Variants in DOCK9 observed in about 807,000 individuals in gnomAD.
DOCK9 encodes the protein dedicator of cytokinesis 9.
A neutral mutation model predicts 263.3 loss-of-function variants in DOCK9; 89 were observed. The ratio of observed to expected loss-of-function variants is 0.34; its 90% CI spans 0.28 to 0.40. The LOEUF is 0.40. Ranked by LOEUF, DOCK9 falls within the 10% of genes least tolerant of loss-of-function variation. DOCK9 has a pLI of 1.00. For synonymous variants in DOCK9, 976 were observed against 973.1 expected (o/e 1.00, Z -0.06); for missense variants, 2,140 against 2,603.4 (o/e 0.82, Z 3.87).
At chr13:98,860,233 C>T in intron 33 of DOCK9, 172 bp downstream of exon 33, 1 of 1,445,970 alleles carries the variant, frequency 6.9e-7, no homozygotes, top group Non-Finnish European at 9.1e-7. Flanking sequence ...TATTTCAGGG[C>T]ATGGCTGAGG....
chr13:98,802,182 G>C (rs1489436864), intron 49 of DOCK9, among the ~76,000 whole-genome samples: 1 of 152,214 alleles, frequency 6.6e-6, no homozygotes, highest in Admixed American at 6.5e-5. Flanking sequence ...TGCTTTGTCT[G>C]GAACACAGAT....
At chr13:99,085,754 A>G (rs1160663174) in intron 1 of DOCK9, among the ~76,000 whole-genome samples, 2 of 151,160 alleles carry the variant, frequency 1.3e-5, no homozygotes, top group African/African-American at 4.9e-5. Flanking sequence ...TAGCAGGGGC[A>G]TCTCCCACCC....
At position 99,078,259 on chromosome 13, in the gene DOCK9, A is replaced by G. The variant is rs533893604; in HGVS notation, c.129+7964T>C. Among the ~76,000 whole-genome samples, 116 of 152,258 alleles carry G rather than the reference A, an allele frequency of 7.6e-4. 1 individual carries two copies. Among genetic ancestry groups the G allele is most frequent in the African/African-American group, 2.6e-3 (108 of 41,564 alleles). ...AGATAAAACTGTGGAAATTGCAAAG[A>G]GGTGGTGCCCCCCTTCGGAGTGAAG... On this transcript the variant is annotated intron_variant, in intron 1 of 32. Coordinates refer to the DOCK9 transcript ENST00000427887.
At chr13:98,920,800 G>A (rs2051842000) in intron 7 of DOCK9, among the ~76,000 whole-genome samples, 154 bp downstream of exon 7, 1 of 152,142 alleles carries the variant, frequency 6.6e-6, no homozygotes, top group African/African-American at 2.4e-5. Context: ...CTTCTACAAT[G>A]ATGAAAAACA....
At chr13:98,882,608 A>G (rs534001949) in intron 23 of DOCK9, among the ~76,000 whole-genome samples, 2 of 152,082 alleles carry the variant, frequency 1.3e-5, no homozygotes, top group Non-Finnish European at 2.9e-5. Context: ...CCCCTTGCAC[A>G]AAGCTGGGAC....
intron 37 of DOCK9, among the ~76,000 whole-genome samples, chr13:98,848,198 G>C (rs949110001): frequency 6.6e-5 from 10 of 152,170 alleles, no homozygotes; most frequent in Non-Finnish European, 1.3e-4. Context: ...GTAGTTGGGA[G>C]CAGGAACAGT....
intron 47 of DOCK9, chr13:98,808,733 A>G: frequency 9.2e-7 from 1 of 1,081,618 alleles, no homozygotes; most frequent in Non-Finnish European, 1.4e-6. Context: ...ATGCTCATAG[A>G]AAACCACACG....
At chr13:99,043,197 C>G in intron 1 of DOCK9, among the ~76,000 whole-genome samples, 1 of 152,248 alleles carries the variant, frequency 6.6e-6, no homozygotes, top group East Asian at 1.9e-4. Context: ...CTTCCTTGGT[C>G]AGCTCCAAAT....
intron 1 of DOCK9, among the ~76,000 whole-genome samples, chr13:99,047,517 CTT>C (rs80048308): frequency 3.6e-4 from 46 of 126,984 alleles, no homozygotes; most frequent in South Asian, 7.9e-4. Flanking sequence ...GGTTCTAATC[CTT>C]TTTTTTTTTT....
At chr13:98,848,676 A>G in intron 36 of DOCK9, 37 bp from the exon 37 acceptor site, 1 of 1,590,890 alleles carries the variant, frequency 6.3e-7, no homozygotes, top group Non-Finnish European at 8.6e-7. Flanking sequence ...GGAAATGCAA[A>G]GATAAAATTA....
chr13:98,984,869 A>G (rs191164653), intron 1 of DOCK9, among the ~76,000 whole-genome samples: 1 of 152,314 alleles, frequency 6.6e-6, no homozygotes, highest in Non-Finnish European at 1.5e-5. Flanking sequence ...CTTATTGATA[A>G]TATCTGGGGA....
At chr13:99,036,098 A>G (rs1887844770) in intron 1 of DOCK9, among the ~76,000 whole-genome samples, 1 of 152,168 alleles carries the variant, frequency 6.6e-6, no homozygotes, top group African/African-American at 2.4e-5. Flanking sequence ...GTTTAAGCCA[A>G]TTCCTTAAAA....
intron 1 of DOCK9, among the ~76,000 whole-genome samples, chr13:99,036,818 G>A (rs1887933673): frequency 6.6e-6 from 1 of 152,216 alleles, no homozygotes; most frequent in Admixed American, 6.5e-5. Context: ...GATTACAGGT[G>A]TGATCCACTG....
intron 33 of DOCK9, chr13:98,856,923 T>C (rs1016760360): frequency 3.9e-5 from 6 of 152,090 alleles, no homozygotes; most frequent in African/African-American, 7.2e-5. Flanking sequence ...TATAAACAAC[T>C]ATGAGCAGAA....
intron 27 of DOCK9, among the ~76,000 whole-genome samples, chr13:98,869,798 G>A (rs569207286): frequency 6.6e-6 from 1 of 152,368 alleles, no homozygotes; most frequent in Non-Finnish European, 1.5e-5. Flanking sequence ...GAAGGGATGC[G>A]TGCCTTGTTT....
chr13:98,929,011 T>C (rs1246708840), intron 3 of DOCK9, among the ~76,000 whole-genome samples: 1 of 152,140 alleles, frequency 6.6e-6, no homozygotes, highest in Non-Finnish European at 1.5e-5. Flanking sequence ...ATTTAATTGG[T>C]CTTTATAAGA....
intron 1 of DOCK9, chr13:99,086,092 C>A: frequency 7.7e-7 from 1 of 1,306,570 alleles, no homozygotes; most frequent in African/African-American, 1.6e-5. Flanking sequence ...GGCCCCACCT[C>A]TTGATTCCGC....
chr13:98,991,488 T>C (rs1291996594), intron 1 of DOCK9, among the ~76,000 whole-genome samples: 1 of 152,198 alleles, frequency 6.6e-6, no homozygotes, highest in East Asian at 1.9e-4. Flanking sequence ...CTGGATGTGC[T>C]ATACACACTG....
At chr13:98,975,361 CA>C (rs759586261) in intron 1 of DOCK9, among the ~76,000 whole-genome samples, 3,067 of 122,924 alleles carry the variant, frequency 0.025, 25 homozygotes, top group Non-Finnish European at 0.036. Context: ...GACTTTGTCT[CA>C]AAAAAAAAAA....
Sources: gnomAD v4.1 joint callset for allele counts (sites outside exome capture counted in the v4.1 genomes callset) on GRCh38, gnomAD v4.1.1 for gene constraint, MANE v1.5 for transcripts, NCBI Gene and HGNC (gene_info 2026-07-23, HGNC 2026-07-21) for gene names.